The following CNNM1 variants were observed in gnomAD, a reference collection of about 807,000 sequenced individuals.
CNNM1 encodes metal transporter CNNM1.
In CNNM1, 44 loss-of-function variants were observed where a neutral mutation model predicts 78.8. That is an observed-to-expected ratio of 0.56 (90% CI 0.44 to 0.72). The LOEUF (loss-of-function observed/expected upper bound fraction) is 0.72. CNNM1 is among the 30% of genes least tolerant of loss of function. The pLI is 0.00. For synonymous variants in CNNM1, 584 were observed against 581.5 expected (o/e 1.00, Z -0.06); for missense variants, 1,101 against 1,292.2 (o/e 0.85, Z 2.27).
intron 1 of CNNM1, among the ~76,000 whole-genome samples, chr10:99,332,873 C>T (rs1347974091): frequency 6.6e-6 from 1 of 152,116 alleles, no homozygotes; most frequent in African/African-American, 2.4e-5. Context: ...ATTCATAGTT[C>T]CCACTGCAAC....
chr10:99,357,101 A>G (rs190703060), intron 1 of CNNM1, among the ~76,000 whole-genome samples: 1 of 152,322 alleles, frequency 6.6e-6, no homozygotes, highest in African/African-American at 2.4e-5. Flanking sequence ...TGGAGATTAA[A>G]TGATTTGTCA....
rs767164861 is a variant in CNNM1, at chr10:99,364,967, G to A, written c.2141G>A (p.Arg714Gln). Reference sequence around the variant, plus strand: ...CTTCTGTCCTTAGATAATGACGTGCGGAAGGTTGGAAGTCTGGCTGGATCT... The same window carrying A: ...CTTCTGTCCTTAGATAATGACGTGCAGAAGGTTGGAAGTCTGGCTGGATCT... ...MTTACSDNDV[R>Q]KVGSLAGSSV... Residue 714 changes from arginine (R) to glutamine (Q), a missense_variant, in exon 6 of 11, where the codon CGG becomes CAG. By Grantham distance (43) the Arg-to-Gln change is conservative. Coordinates refer to ENST00000356713, the MANE Select transcript of CNNM1 (RefSeq NM_020348.3). 25 of 1,613,716 alleles carry A rather than the reference G, an allele frequency of 1.5e-5. No individual in the cohort carries two copies. The highest frequency in any genetic ancestry group is 8.9e-5 in the East Asian group (4 of 44,866).
chr10:99,356,550 CAGACAGACAGACAGAAAGAAAGAAAGAA>C (rs2031170653), intron 1 of CNNM1, among the ~76,000 whole-genome samples: 1 of 41,742 alleles, frequency 2.4e-5, no homozygotes, highest in East Asian at 9.3e-4. Context: ...GACAGACAGA[CAGACAGACAGACAGAAAGAAAGAAAGAA>C]AGAAAGAAAG....
At chr10:99,331,608 T>G (rs969573603) in intron 1 of CNNM1, among the ~76,000 whole-genome samples, 1 of 152,318 alleles carries the variant, frequency 6.6e-6, no homozygotes, top group Middle Eastern at 3.4e-3. Context: ...GGCTCATGCT[T>G]CTAATCCCAG....
At chr10:99,388,976 C>A (rs1190234769) in intron 9 of CNNM1, among the ~76,000 whole-genome samples, 1 of 152,174 alleles carries the variant, frequency 6.6e-6, no homozygotes, top group African/African-American at 2.4e-5. Context: ...GTGTTTGCCT[C>A]ACTAAGATGT....
intron 7 of CNNM1, among the ~76,000 whole-genome samples, chr10:99,383,166 A>G (rs532843288): frequency 7.2e-5 from 11 of 152,352 alleles, no homozygotes; most frequent in African/African-American, 2.4e-4. Context: ...GTAGATTAAG[A>G]CCAGTTAGAG....
At chr10:99,372,380 T>C (rs182257314) in intron 6 of CNNM1, among the ~76,000 whole-genome samples, 3 of 152,292 alleles carry the variant, frequency 2.0e-5, no homozygotes, top group Admixed American at 2.0e-4. Flanking sequence ...ATCACCCGGT[T>C]ACACCTGAGC....
At chr10:99,364,118 A>T (rs541493045) in intron 4 of CNNM1, among the ~76,000 whole-genome samples, 1 of 152,268 alleles carries the variant, frequency 6.6e-6, no homozygotes, top group South Asian at 2.1e-4. Context: ...GAGGCCCTGG[A>T]TTAGCTGGTG....
chr10:99,351,457 C>G (rs1564944476), intron 1 of CNNM1, among the ~76,000 whole-genome samples: 1 of 152,144 alleles, frequency 6.6e-6, no homozygotes, highest in Non-Finnish European at 1.5e-5. Context: ...GTGTTAGATA[C>G]AAGCATTTGC....
intron 6 of CNNM1, among the ~76,000 whole-genome samples, chr10:99,373,711 C>A (rs1286685797): frequency 6.6e-6 from 1 of 151,186 alleles, no homozygotes; most frequent in African/African-American, 2.4e-5. Context: ...ATCCCTCACC[C>A]TCTCCTGCCC....
chr10:99,349,722 C>T (rs531068959), intron 1 of CNNM1, among the ~76,000 whole-genome samples: 21 of 152,258 alleles, frequency 1.4e-4, no homozygotes, highest in African/African-American at 4.6e-4. Flanking sequence ...CTATCTGGGC[C>T]GGGCGCAGTG....
At chr10:99,370,361 G>A (rs1311601822) in intron 6 of CNNM1, among the ~76,000 whole-genome samples, 3 of 152,182 alleles carry the variant, frequency 2.0e-5, no homozygotes, top group African/African-American at 4.8e-5. Flanking sequence ...GCAGGGTGGA[G>A]CAATGGTGGG....
intron 1 of CNNM1, among the ~76,000 whole-genome samples, chr10:99,338,546 T>G (rs2030299626): frequency 6.6e-6 from 1 of 152,142 alleles, no homozygotes; most frequent in Admixed American, 6.5e-5. Flanking sequence ...CCCAAAGTGC[T>G]AGGATTACAG....
At position 99,357,607 on chromosome 10, in the gene CNNM1, A is replaced by G; in HGVS notation, c.1669A>G (p.Ile557Val). The change falls in exon 2 of 11, where the codon ATA becomes GTA. Residue 557 changes from isoleucine to valine, a missense_variant. By Grantham distance (29) the Ile-to-Val change is conservative. This residue lies in a region of CNNM1 where 277 missense variants were observed against 423.2 expected (regional missense o/e 0.65). Coordinates refer to ENST00000356713, the MANE Select transcript of CNNM1 (RefSeq NM_020348.3). ...GGGCATTGTCACGCTGGAGGATATC[A>G]TAGAGGAGATTATCAAGTCGGAGAT... The part of the protein sequence containing the change: ...VMGIVTLEDI[I>V]EEIIKSEILD... 6.2e-7 allele frequency: 1 copy of G among 1,613,176 alleles called. No homozygotes were observed. Among genetic ancestry groups the G allele is most frequent in the Middle Eastern group, 1.7e-4 (1 of 6,056 alleles).
Position 99,364,526 on chromosome 10 carries a change from T to G in CNNM1, c.2128+10T>G. 1.9e-6 allele frequency: 3 copies of G among 1,595,408 alleles called. No homozygotes were observed. The highest frequency in any genetic ancestry group is 2.6e-6 in the Non-Finnish European group (3 of 1,168,610). On this transcript the variant is annotated intron_variant, in intron 5 of 10. Coordinates refer to ENST00000356713, the MANE Select transcript of CNNM1 (RefSeq NM_020348.3). Reference sequence around the variant, plus strand: ...ACCACTGCTTGCTCAGGTATTCTAGTTTCCATTTGTTTATTGGGAAAGTAA... The same window carrying G: ...ACCACTGCTTGCTCAGGTATTCTAGGTTCCATTTGTTTATTGGGAAAGTAA...
chr10:99,350,319 A>C (rs1250260835), intron 1 of CNNM1, among the ~76,000 whole-genome samples: 2 of 152,220 alleles, frequency 1.3e-5, no homozygotes. Flanking sequence ...AAAACCATAA[A>C]ACGATTTTGC....
At chr10:99,388,393 T>C in intron 9 of CNNM1, 92 bp downstream of exon 9, 1 of 1,448,074 alleles carries the variant, frequency 6.9e-7, no homozygotes, top group Non-Finnish European at 9.3e-7. Context: ...AGGGGAGCCC[T>C]GGGACCGCAG....
chr10:99,346,366 T>C (rs2030696213), intron 1 of CNNM1, among the ~76,000 whole-genome samples: 1 of 152,206 alleles, frequency 6.6e-6, no homozygotes, highest in African/African-American at 2.4e-5. Flanking sequence ...ACACTCCTCC[T>C]CAGTCTCCTT....
intron 1 of CNNM1, among the ~76,000 whole-genome samples, chr10:99,332,182 A>G (rs2029946892): frequency 1.3e-5 from 2 of 152,192 alleles, no homozygotes; most frequent in Non-Finnish European, 2.9e-5. Context: ...CTATCTCACA[A>G]ACCCTGAAAG....
Sources: gnomAD v4.1 joint callset for allele counts (sites outside exome capture counted in the v4.1 genomes callset) on GRCh38, gnomAD v4.1.1 for gene constraint, gnomAD v4.1.1 regional missense constraint, MANE v1.5 for transcripts, NCBI Gene and HGNC (gene_info 2026-07-23, HGNC 2026-07-21) for gene names.